Variants in RESF1 observed in about 807,000 individuals in gnomAD.
RESF1 encodes the protein gonad expressed transcript.
In RESF1, 65 loss-of-function variants were observed where a neutral mutation model predicts 134.7. The ratio of observed to expected loss-of-function variants is 0.48; its 90% confidence interval spans 0.40 to 0.59. RESF1 has a LOEUF of 0.59. Ranked by LOEUF, RESF1 falls within the 20% of genes least tolerant of loss-of-function variation. The pLI is 0.00. For missense variants in RESF1, 2,274 were observed against 2,002.7 expected, an observed-to-expected ratio of 1.14 and a Z score of -2.59; for synonymous variants, 762 against 702.2, an observed-to-expected ratio of 1.09 and a Z score of -1.35.
chr12:31,987,361 C>G, intron 5 of RESF1, 39 bp downstream of exon 5: 1 of 1,100,698 alleles, frequency 9.1e-7, no homozygotes, highest in Non-Finnish European at 1.4e-6. Flanking sequence ...ACTTATCTCC[C>G]TATCTGGTAT....
At position 31,969,196 on chromosome 12, in the gene RESF1, CCT is replaced by C. The variant is rs147872046; in HGVS notation, c.-246-989_-246-988del. Among the ~76,000 whole-genome samples the C allele has an allele frequency of 3.5e-3, 535 of 152,310 alleles. 2 individuals are homozygous for C. The highest frequency in any genetic ancestry group is 0.012 in the African/African-American group (512 of 41,550). On this transcript the variant is annotated intron_variant, in intron 2 of 5. Transcript: ENST00000312561. The stretch of plus-strand genomic sequence containing the variant: ...TTTGAACTGCTGGACTCTGCCTCAG[CCT>C]CTCAGCATGCTGAGATTATAGGTGT...
At position 31,981,421 on chromosome 12, in the gene RESF1, C is replaced by G; in HGVS notation, c.466C>G (p.Leu156Val). 1.2e-6 allele frequency: 2 copies of G among 1,614,114 alleles called. No individual in the cohort carries two copies. Among genetic ancestry groups the G allele is most frequent in the East Asian group, 2.2e-5 (1 of 44,884 alleles). Residue 156 changes from leucine to valine, a missense_variant, in exon 4 of 6, where the codon CTG becomes GTG. By Grantham distance (32) the Leu-to-Val change is conservative. Coordinates refer to ENST00000312561, the MANE Select transcript of RESF1 (RefSeq NM_018169.4). ...CAATATGCCGGCACTACAGAGTCAACTGATAACATCAGATACCTATTCTAT... is the reference window on the plus strand; with the variant it reads ...CAATATGCCGGCACTACAGAGTCAAGTGATAACATCAGATACCTATTCTAT... Reference protein sequence around the residue: ...VPNMPALQSQLITSDTYSMQM... With the variant: ...VPNMPALQSQVITSDTYSMQM...
intron 4 of RESF1, 63 bp downstream of exon 4, chr12:31,986,020 G>A: frequency 8.9e-7 from 1 of 1,124,290 alleles, no homozygotes; most frequent in Non-Finnish European, 1.2e-6. Context: ...CAATATTTGG[G>A]CTAGCACCTC....
At chr12:31,986,534 CA>C (rs1201611300) in intron 4 of RESF1, among the ~76,000 whole-genome samples, 1 of 152,278 alleles carries the variant, frequency 6.6e-6, no homozygotes, top group African/African-American at 2.4e-5. Flanking sequence ...ACCTTGAAAG[CA>C]GTATTGTCCA....
Position 31,965,735 on chromosome 12 carries a change from A to G in RESF1, c.-246-4454A>G, listed in dbSNP as rs987393921. On this transcript the variant is annotated intron_variant, in intron 2 of 5. Transcript: ENST00000312561. ...GTGAAAAGCCATCTCTACTAAAAAT[A>G]CAAAAATTAGCTGGGCGTGGTGGCG... Among the ~76,000 whole-genome samples, 20 of 152,306 alleles carry G rather than the reference A, an allele frequency of 1.3e-4. No individual in the cohort carries two copies. The East Asian group carries it at 3.3e-3, about 25-fold the overall frequency.
chr12:31,984,788 A>C lies in RESF1; in HGVS notation c.3833A>C (p.Gln1278Pro). 6.2e-7 allele frequency: 1 copy of C among 1,611,476 alleles called. No homozygotes were observed. The highest frequency in any genetic ancestry group is 8.5e-7 in the Non-Finnish European group (1 of 1,179,492). Reference sequence around the variant, plus strand: ...ACAGAACAAGAATTAGTTGCTGGTCAGTTTTCATCTAAATGTGATAAACTA... The same window carrying C: ...ACAGAACAAGAATTAGTTGCTGGTCCGTTTTCATCTAAATGTGATAAACTA... The part of the protein sequence containing the change: ...PRTEQELVAG[Q>P]FSSKCDKLNP... The change falls in exon 4 of 6, where the codon CAG (glutamine) becomes CCG (proline). Residue 1278 changes from glutamine to proline, a missense_variant. Physicochemically the swap from Gln to Pro is moderately conservative, Grantham distance 76. Transcript: ENST00000312561.
In RESF1 at chr12:31,981,910, A is replaced by G. The variant is rs758575456; in HGVS notation, c.955A>G (p.Ser319Gly). Reference sequence around the variant, plus strand: ...AATGCTGTCATCTGAAATAAGGACCAGCTTTCAACAGCAGTGGCAAAACCC... The same window carrying G: ...AATGCTGTCATCTGAAATAAGGACCGGCTTTCAACAGCAGTGGCAAAACCC... ...REMLSSEIRTSFQQQWQNPNE... is the reference protein window; with the variant it reads ...REMLSSEIRTGFQQQWQNPNE... The change falls in exon 4 of 6, where the codon AGC becomes GGC. Residue 319 changes from serine (S) to glycine (G), a missense_variant. Coordinates refer to ENST00000312561, the MANE Select transcript of RESF1 (RefSeq NM_018169.4). The G allele has an allele frequency of 2.5e-6, 4 of 1,614,230 alleles. No individual in the cohort carries two copies. The highest frequency in any genetic ancestry group is 2.5e-6 in the Non-Finnish European group (3 of 1,180,038).
intron 3 of RESF1, among the ~76,000 whole-genome samples, chr12:31,977,440 C>T (rs1939660422): frequency 6.6e-6 from 1 of 152,188 alleles, no homozygotes; most frequent in South Asian, 2.1e-4. Context: ...CCCGCCTCGG[C>T]CTCCCAAAGT....
chr12:31,960,002 C>A (rs1939221936), intron 1 of RESF1: 1 of 151,696 alleles, frequency 6.6e-6, no homozygotes, highest in Non-Finnish European at 1.5e-5. Context: ...TTCTCCTCCT[C>A]CCCGGCCCTC....
intron 3 of RESF1, among the ~76,000 whole-genome samples, chr12:31,975,331 C>A (rs187967492): frequency 5.3e-5 from 8 of 152,168 alleles, no homozygotes; most frequent in African/African-American, 1.9e-4. Context: ...TTTATAGGAA[C>A]CTCCCATCTC....
In RESF1 at chr12:31,983,140, A is replaced by T; in HGVS notation, c.2185A>T (p.Ile729Leu). 1 of 1,611,558 alleles carries T rather than the reference A, an allele frequency of 6.2e-7. No homozygotes were observed. The highest frequency in any genetic ancestry group is 8.5e-7 in the Non-Finnish European group (1 of 1,179,090). ...VVGNSNSQNK[I>L]SNPSQQTALS... ...GGGAAATTCAAATTCTCAGAATAAAATAAGTAATCCCTCACAGCAGACAGC... is the reference window on the plus strand; with the variant it reads ...GGGAAATTCAAATTCTCAGAATAAATTAAGTAATCCCTCACAGCAGACAGC... The change falls in exon 4 of 6, where the codon ATA becomes TTA. Residue 729 changes from isoleucine to leucine, a missense_variant. Transcript: ENST00000312561.
chr12:31,985,041 A>G lies in RESF1; in HGVS notation c.4086A>G (p.Ile1362Met), dbSNP rs1406269000. 1.3e-6 allele frequency: 2 copies of G among 1,586,012 alleles called. No individual in the cohort carries two copies. Among genetic ancestry groups the G allele is most frequent in the Admixed American group, 2.0e-5 (1 of 50,958 alleles). The change falls in exon 4 of 6, where the codon ATA becomes ATG. Residue 1362 changes from isoleucine to methionine, a missense_variant. Coordinates refer to ENST00000312561, the MANE Select transcript of RESF1 (RefSeq NM_018169.4). ...SLGQSLSPEK[I>M]KLKLKSVSFK... Reference sequence around the variant, plus strand: ...GACAGTCATTATCACCAGAAAAGATAAAATTGAAACTCAAATCAGTTAGCT... The same window carrying G: ...GACAGTCATTATCACCAGAAAAGATGAAATTGAAACTCAAATCAGTTAGCT...
intron 2 of RESF1, among the ~76,000 whole-genome samples, chr12:31,969,402 G>A (rs1939461964): frequency 6.6e-6 from 1 of 152,182 alleles, no homozygotes. Context: ...TGCTTGGGAA[G>A]CTGTGGTGAG....
chr12:31,979,698 C>G (rs534904209), intron 3 of RESF1, among the ~76,000 whole-genome samples: 194 of 151,994 alleles, frequency 1.3e-3, no homozygotes, highest in Non-Finnish European at 2.3e-3. Flanking sequence ...CGGGCATGCA[C>G]CACCATGACG....
chr12:31,979,168 C>T (rs1457862052), intron 3 of RESF1, among the ~76,000 whole-genome samples: 2 of 152,182 alleles, frequency 1.3e-5, no homozygotes, highest in African/African-American at 2.4e-5. Context: ...GATCCGCCCA[C>T]CTTGGCCTCC....
rs746547605 is a variant in RESF1 at position 31,985,502 on chromosome 12, G to A, written c.4547G>A (p.Gly1516Asp). The A allele has an allele frequency of 3.2e-5, 51 of 1,603,352 alleles. No homozygotes were observed. Among genetic ancestry groups the A allele is most frequent in the Non-Finnish European group, 4.0e-5 (47 of 1,177,066 alleles). The change falls in exon 4 of 6, where the codon GGT becomes GAT. Residue 1516 changes from glycine to aspartate, a missense_variant. Physicochemically the swap from Gly to Asp is moderately conservative, Grantham distance 94. Transcript: ENST00000312561. ...KESLNGLTSH[G>D]KNLKIHHSQE... is the part of the protein sequence containing the mutation. Reference sequence around the variant, plus strand: ...TCATTAAATGGCTTGACAAGCCATGGTAAAAACCTCAAAATCCACCATTCT... The same window carrying A: ...TCATTAAATGGCTTGACAAGCCATGATAAAAACCTCAAAATCCACCATTCT...
intron 2 of RESF1, among the ~76,000 whole-genome samples, chr12:31,963,463 C>T (rs1453303396): frequency 6.6e-6 from 1 of 152,122 alleles, no homozygotes; most frequent in Non-Finnish European, 1.5e-5. Flanking sequence ...CTGTCCTCTG[C>T]TTTGGTTTTC....
Position 31,982,905 on chromosome 12 carries a change from C to T in RESF1, c.1950C>T (p.Cys650=). The T allele has an allele frequency of 1.3e-5, 21 of 1,614,042 alleles. No homozygotes were observed. The highest frequency in any genetic ancestry group is 1.8e-5 in the Non-Finnish European group (21 of 1,179,996). The part of the protein sequence containing the change: ...VSGRVLDNSF[C]SGQESSTKGM... ...GCAGGGTTTTGGACAACTCCTTTTGCAGTGGACAAGAATCCTCAACAAAAG... is the reference window on the plus strand; with the variant it reads ...GCAGGGTTTTGGACAACTCCTTTTGTAGTGGACAAGAATCCTCAACAAAAG... The change falls in exon 4 of 6, where the codon TGC becomes TGT. Residue 650 remains cysteine, a synonymous_variant. Transcript: ENST00000312561.
chr12:31,986,472 G>T (rs944304105), intron 4 of RESF1, among the ~76,000 whole-genome samples: 1 of 152,204 alleles, frequency 6.6e-6, no homozygotes, highest in African/African-American at 2.4e-5. Context: ...TGATGGCTGT[G>T]TTATCACTAT....
Sources: allele counts gnomAD v4.1 joint callset (sites outside exome capture counted in the v4.1 genomes callset), GRCh38; gene constraint gnomAD v4.1.1; transcripts MANE v1.5; gene names NCBI Gene and HGNC (gene_info 2026-07-23, HGNC 2026-07-21).